Variants in ZNF423 observed in about 807,000 individuals in gnomAD.
ZNF423 encodes Ebf-associated zinc finger protein.
A neutral mutation model predicts 95.8 loss-of-function variants in ZNF423; 12 were observed. The observed-to-expected ratio is 0.13, with a 90% confidence interval of 0.08 to 0.20. The LOEUF is 0.20. Ranked by LOEUF, ZNF423 falls within the 10% of genes least tolerant of loss-of-function variation. The pLI is 1.00. For missense variants in ZNF423, 1,316 were observed against 1,737.1 expected, an observed-to-expected ratio of 0.76 and a Z score of 4.31; for synonymous variants, 749 against 711.9, an observed-to-expected ratio of 1.05 and a Z score of -0.83.
rs763041639 is a variant in ZNF423 at position 49,637,469 on chromosome 16, C to T, written c.1707G>A (p.Glu569=). 1 of 1,614,038 alleles carries T rather than the reference C, an allele frequency of 6.2e-7. No homozygotes were observed. Among genetic ancestry groups the T allele is most frequent in the Non-Finnish European group, 8.5e-7 (1 of 1,180,030 alleles). The change falls in exon 4 of 8, where the codon GAG becomes GAA. Residue 569 remains glutamate, a synonymous_variant. Coordinates refer to ENST00000563137, the MANE Select transcript of ZNF423 (RefSeq NM_001379286.1). This position sits in a 1 kb window ranked among gnomAD's most constrained non-coding sequence, Gnocchi z 5.6. The stretch of plus-strand genomic sequence containing the variant: ...TGGTGCAGTAGGGGCAGGAATAGAC[C>T]TCCATGAAGGACTGCGTGGGCTGCA... ...PVVQPTQSFM[E]VYSCPYCTNS... is the part of the protein sequence containing the mutation.
chr16:49,741,812 T>C (rs2033419776), intron 2 of ZNF423, among the ~76,000 whole-genome samples: 2 of 152,242 alleles, frequency 1.3e-5, no homozygotes, highest in African/African-American at 4.8e-5. Context: ...GGAACTGAGT[T>C]CAAGTCCATT....
intron 2 of ZNF423, among the ~76,000 whole-genome samples, chr16:49,735,519 G>T (rs139354057): frequency 1.4e-4 from 22 of 152,270 alleles, no homozygotes; most frequent in African/African-American, 5.3e-4. Flanking sequence ...ATCATAACGA[G>T]GGACCGAATT....
chr16:49,702,899 G>C (rs2151956898), intron 3 of ZNF423, among the ~76,000 whole-genome samples: 1 of 137,296 alleles, frequency 7.3e-6, no homozygotes, highest in South Asian at 2.3e-4. Context: ...CAACCTGCCT[G>C]TGTGCACACG....
At chr16:49,658,341 G>T (rs967654642) in intron 3 of ZNF423, among the ~76,000 whole-genome samples, 25 of 152,174 alleles carry the variant, frequency 1.6e-4, no homozygotes, top group African/African-American at 5.8e-4. Context: ...GGAGCCCGGG[G>T]CCTGAGGAGG....
intron 1 of ZNF423, among the ~76,000 whole-genome samples, chr16:49,828,953 C>T (rs995087612): frequency 1.3e-5 from 2 of 152,214 alleles, no homozygotes; most frequent in African/African-American, 4.8e-5. Context: ...TTCCACTCGC[C>T]TCCTGGTCTG....
chr16:49,730,554 G>C, intron 3 of ZNF423: 1 of 600,906 alleles, frequency 1.7e-6, no homozygotes, highest in Non-Finnish European at 2.9e-6. Context: ...CCGGGACAGA[G>C]CACCACCATC....
intron 5 of ZNF423, among the ~76,000 whole-genome samples, chr16:49,604,206 T>A (rs1416466263): frequency 6.6e-6 from 1 of 152,134 alleles, no homozygotes; most frequent in Non-Finnish European, 1.5e-5. Context: ...AACCCAGGCC[T>A]CTCAAAGCAC....
chr16:49,662,223 C>CA (rs2030274109), intron 3 of ZNF423, among the ~76,000 whole-genome samples: 2 of 152,136 alleles, frequency 1.3e-5, no homozygotes, highest in South Asian at 4.2e-4. Context: ...TGGTCCACCC[C>CA]AAAAAGTCCT....
chr16:49,601,506 C>T (rs563764321), intron 5 of ZNF423, among the ~76,000 whole-genome samples: 13 of 152,330 alleles, frequency 8.5e-5, no homozygotes, highest in Admixed American at 2.0e-4. Flanking sequence ...GTGAAATGCT[C>T]CTTACTCCAA....
intron 1 of ZNF423, among the ~76,000 whole-genome samples, chr16:49,802,974 G>A (rs1005634094): frequency 6.6e-6 from 1 of 152,142 alleles, no homozygotes; most frequent in Non-Finnish European, 1.5e-5. Context: ...AGAGACCAAG[G>A]ACCAGCCCGA....
chr16:49,830,938 A>G (rs926701470), intron 1 of ZNF423, among the ~76,000 whole-genome samples: 2 of 152,178 alleles, frequency 1.3e-5, no homozygotes, highest in African/African-American at 4.8e-5. Context: ...ATCCTGTGTC[A>G]GCCAGCCAGT....
intron 5 of ZNF423, among the ~76,000 whole-genome samples, chr16:49,588,637 T>C (rs1970915253): frequency 6.6e-6 from 1 of 152,246 alleles, no homozygotes; most frequent in Non-Finnish European, 1.5e-5. Context: ...GACTCTAGCA[T>C]TTAATCCTAA....
chr16:49,575,823 C>T (rs1403793539), intron 5 of ZNF423, among the ~76,000 whole-genome samples: 1 of 152,210 alleles, frequency 6.6e-6, no homozygotes, highest in Non-Finnish European at 1.5e-5. Flanking sequence ...ACTTCTCGCA[C>T]ACTCTGAGAC....
chr16:49,842,584 G>T (rs1034519130), intron 1 of ZNF423, among the ~76,000 whole-genome samples: 21 of 151,916 alleles, frequency 1.4e-4, no homozygotes, highest in African/African-American at 4.3e-4. Context: ...TCATATCTTG[G>T]GGGGGAAAAA....
intron 1 of ZNF423, among the ~76,000 whole-genome samples, chr16:49,797,247 G>A (rs937882222): frequency 6.6e-6 from 1 of 152,138 alleles, no homozygotes; most frequent in Non-Finnish European, 1.5e-5. Context: ...AGACCAGGCA[G>A]GGAGGCCAAG....
intron 7 of ZNF423, among the ~76,000 whole-genome samples, chr16:49,519,724 T>A (rs77066698): frequency 0.014 from 2,203 of 152,336 alleles, 58 homozygotes; most frequent in African/African-American, 0.05. Context: ...TTCTTACATT[T>A]TGATTCAGGG....
chr16:49,636,884 G>T lies in ZNF423; in HGVS notation c.2292C>A (p.Asn764Lys). 6.2e-7 allele frequency: 1 copy of T among 1,614,036 alleles called. No individual in the cohort carries two copies. Among genetic ancestry groups the T allele is most frequent in the African/African-American group, 1.3e-5 (1 of 75,064 alleles). The change falls in exon 4 of 8, where the codon AAC becomes AAA. Residue 764 changes from asparagine to lysine, a missense_variant. This residue lies in a region of ZNF423 where 620 missense variants were observed against 775.6 expected (regional missense o/e 0.80). Transcript: ENST00000563137. This position sits in a 1 kb window ranked among gnomAD's most constrained non-coding sequence, Gnocchi z 8.6. ...EKKMYRCTAC[N>K]WDFRKEADLQ... ...GGTCAGCCTCCTTGCGGAAGTCCCA[G>T]TTGCAGGCCGTGCAGCGGTACATCT...
intron 3 of ZNF423, chr16:49,707,876 G>A (rs928322967): frequency 3.3e-5 from 5 of 152,104 alleles, no homozygotes; most frequent in African/African-American, 7.3e-5. Context: ...GCAATGGTGC[G>A]ATCTTGGCTC....
intron 3 of ZNF423, among the ~76,000 whole-genome samples, chr16:49,697,955 T>A (rs1256101959): frequency 6.6e-6 from 1 of 152,146 alleles, no homozygotes; most frequent in Non-Finnish European, 1.5e-5. Flanking sequence ...GTCTGTGGCA[T>A]GAACCACTGC....
Sources: gnomAD v4.1 joint callset for allele counts (sites outside exome capture counted in the v4.1 genomes callset) on GRCh38, gnomAD v4.1.1 for gene constraint, gnomAD v4.1.1 regional missense constraint, Gnocchi (gnomAD v3.1) non-coding constraint, MANE v1.5 for transcripts, NCBI Gene and HGNC (gene_info 2026-07-23, HGNC 2026-07-21) for gene names.